The following PCDH10 variants were observed in gnomAD, a reference collection of about 807,000 sequenced individuals.
PCDH10 encodes the protein protocadherin-10.
A neutral mutation model predicts 74.4 loss-of-function variants in PCDH10; 15 were observed. That is an observed-to-expected ratio of 0.20 (90% CI 0.13 to 0.31). PCDH10 has a LOEUF of 0.31. Among genes scored for constraint, PCDH10 ranks in the 10% least tolerant of loss-of-function variants. The probability of loss-of-function intolerance (pLI) is 1.00; values close to 1 mark genes in which losing one functional copy is unlikely to be tolerated. For synonymous variants in PCDH10, 619 were observed against 589.8 expected, an observed-to-expected ratio of 1.05 and a Z score of -0.72; for missense variants, 1,260 against 1,390.2, an observed-to-expected ratio of 0.91 and a Z score of 1.49.
intron 2 of PCDH10, among the ~76,000 whole-genome samples, chr4:133,200,373 T>C (rs939863395): frequency 6.6e-6 from 1 of 151,586 alleles, no homozygotes; most frequent in African/African-American, 2.4e-5. Context: ...TTTTTTTTCT[T>C]TTTTTTTGTA....
chr4:133,161,171 C>T (rs924220823), intron 3 of PCDH10, among the ~76,000 whole-genome samples: 2 of 152,118 alleles, frequency 1.3e-5, no homozygotes, highest in African/African-American at 4.8e-5. Context: ...TTCCGTTCCT[C>T]AACAGTTCAC....
downstream of PCDH10, among the ~76,000 whole-genome samples, chr4:133,198,391 A>T (rs184876612): frequency 4.9e-4 from 75 of 152,298 alleles, no homozygotes; most frequent in Non-Finnish European, 1.3e-4. Flanking sequence ...AAAACAAATG[A>T]TAAGTAATTC....
chr4:133,169,658 A>G (rs1171193071), intron 4 of PCDH10, among the ~76,000 whole-genome samples: 1 of 151,940 alleles, frequency 6.6e-6, no homozygotes, highest in Non-Finnish European at 1.5e-5. Context: ...ATGAAAAGAA[A>G]TATCTACTTG....
intron 2 of PCDH10, among the ~76,000 whole-genome samples, chr4:133,206,859 GAGTT>G (rs1300266066): frequency 6.6e-6 from 1 of 152,108 alleles, no homozygotes; most frequent in Non-Finnish European, 1.5e-5. Flanking sequence ...ACATTATTGA[GAGTT>G]TGAATGTGGG....
At position 133,150,223 on chromosome 4, in the gene PCDH10, A is replaced by C; in HGVS notation, c.83A>C (p.Gln28Pro). 1 of 1,613,786 alleles carries C rather than the reference A, an allele frequency of 6.2e-7. No individual in the cohort carries two copies. The highest frequency in any genetic ancestry group is 2.2e-5 in the East Asian group (1 of 44,850). The change falls in exon 1 of 5, where the codon CAG becomes CCG. Residue 28 changes from glutamine to proline, a missense_variant. Physicochemically the swap from Gln to Pro is moderately conservative, Grantham distance 76. This residue lies in a region of PCDH10 where 103 missense variants were observed against 91.5 expected (regional missense o/e 1.13). Transcript: ENST00000264360. The stretch of plus-strand genomic sequence containing the variant: ...CTTCACTACACGGTACAGGAGGAGC[A>C]GGAACATGGCACTTTCGTGGGGAAT... Reference protein sequence around the residue: ...SQLHYTVQEEQEHGTFVGNIA... With the variant: ...SQLHYTVQEEPEHGTFVGNIA...
intron 4 of PCDH10, among the ~76,000 whole-genome samples, chr4:133,180,734 C>T (rs1483619634): frequency 1.3e-5 from 2 of 151,830 alleles, no homozygotes; most frequent in African/African-American, 2.4e-5. Context: ...AACATTTTTA[C>T]TTTGCTATGT....
chr4:133,196,892 A>G (rs1315249702), downstream of PCDH10, among the ~76,000 whole-genome samples: 1 of 152,220 alleles, frequency 6.6e-6, no homozygotes, highest in Non-Finnish European at 1.5e-5. Flanking sequence ...ACATTTAACC[A>G]CTGATCTTGG....
intron 2 of PCDH10, among the ~76,000 whole-genome samples, chr4:133,207,803 T>TA (rs1578585474): frequency 1.3e-5 from 2 of 152,092 alleles, no homozygotes; most frequent in East Asian, 3.9e-4. Flanking sequence ...TTTTGTAATA[T>TA]AAAAAAGTAC....
chr4:133,170,982 T>A (rs1325398983), intron 4 of PCDH10, among the ~76,000 whole-genome samples: 1 of 148,864 alleles, frequency 6.7e-6, no homozygotes, highest in Non-Finnish European at 1.5e-5. Context: ...AGGTAGTCTA[T>A]TTTTTTTTTA....
At position 133,191,902 on chromosome 4, in the gene PCDH10, T is replaced by C. The variant is rs947959741; in HGVS notation, c.*1742T>C. The stretch of plus-strand genomic sequence containing the variant: ...CTTAACATTTGACAAATGTTCTTCA[T>C]CAAATTTTATGTAACTTAAGTGGAA... On this transcript the variant is annotated 3_prime_UTR_variant, in exon 5 of 5. Coordinates refer to ENST00000264360, the MANE Select transcript of PCDH10 (RefSeq NM_032961.3). 1.6e-4 allele frequency: 24 copies of C among 151,464 alleles called. No homozygotes were observed. Among genetic ancestry groups the C allele is most frequent in the African/African-American group, 5.8e-4 (24 of 41,406 alleles). 9.4% of individuals were successfully genotyped at this position (151,464 alleles called of 1,614,324 possible).
intron 4 of PCDH10, among the ~76,000 whole-genome samples, chr4:133,184,785 A>AC (rs1578574698): frequency 3.7e-5 from 3 of 80,108 alleles, no homozygotes; most frequent in African/African-American, 1.6e-4. Context: ...TATATATATA[A>AC]ATATATATAT....
intron 4 of PCDH10, among the ~76,000 whole-genome samples, chr4:133,178,637 A>G (rs1464374910): frequency 6.6e-6 from 1 of 150,672 alleles, no homozygotes; most frequent in Non-Finnish European, 1.5e-5. Context: ...TTATTTTTGC[A>G]TAGGAAACAA....
rs571561006 is a variant in PCDH10, at chr4:133,163,088, G to A, written c.2909G>A (p.Arg970His). 1.5e-5 allele frequency: 25 copies of A among 1,614,110 alleles called. No homozygotes were observed. Among genetic ancestry groups the A allele is most frequent in the East Asian group, 6.7e-5 (3 of 44,870 alleles). Residue 970 changes from arginine (R) to histidine (H), a missense_variant, in exon 4 of 5, where the codon CGC becomes CAC. By Grantham distance (29) the Arg-to-His change is conservative. Around this residue, in one of 11 missense-constraint regions of PCDH10, gnomAD observed 136 missense variants for 149.3 expected, o/e 0.91. Transcript: ENST00000264360. The part of the protein sequence containing the change: ...PSDGRQAADY[R>H]SNLHVPGMDS... ...GATGGACGCCAGGCTGCTGATTATCGCAGCAATCTGCATGTTCCTGGCATG... is the reference window on the plus strand; with the variant it reads ...GATGGACGCCAGGCTGCTGATTATCACAGCAATCTGCATGTTCCTGGCATG...
intron 2 of PCDH10, among the ~76,000 whole-genome samples, chr4:133,205,379 G>A (rs1393995618): frequency 6.6e-6 from 1 of 152,158 alleles, no homozygotes; most frequent in Non-Finnish European, 1.5e-5. Context: ...TCTAAGGGAA[G>A]TGGACCATTT....
rs889617301 is a variant in PCDH10 at position 133,150,075 on chromosome 4, G to A, written c.-66G>A. 190 of 1,431,032 alleles carry A rather than the reference G, an allele frequency of 1.3e-4. 1 individual carries two copies. The highest frequency in any genetic ancestry group is 1.2e-4 in the Non-Finnish European group (126 of 1,088,526). The allele number at this position is 1,431,032 out of a possible 1,614,324, so 88.6% of individuals were successfully genotyped here. On this transcript the variant is annotated 5_prime_UTR_variant, in exon 1 of 5. In the 5' UTR this introduces an upstream ATG that the reference lacks. Coordinates refer to ENST00000264360, the MANE Select transcript of PCDH10 (RefSeq NM_032961.3). ...ATTTTTTCAGATTTTTTTTTGTTTC[G>A]TGGTGGTGGGGGAGGTGATTGGGTG...
At chr4:133,200,103 T>C (rs1472561540) in intron 2 of PCDH10, among the ~76,000 whole-genome samples, 1 of 151,940 alleles carries the variant, frequency 6.6e-6, no homozygotes, top group Non-Finnish European at 1.5e-5. Context: ...CGGCCTTTTA[T>C]TTTTATTCTA....
Position 133,151,892 on chromosome 4 carries a change from T to A in PCDH10, c.1752T>A (p.Thr584=), listed in dbSNP as rs1698235123. The A allele has an allele frequency of 6.2e-7, 1 of 1,612,772 alleles. No individual in the cohort carries two copies. Among genetic ancestry groups the A allele is most frequent in the South Asian group, 1.1e-5 (1 of 91,082 alleles). The change falls in exon 1 of 5, where the codon ACT becomes ACA. Residue 584 remains threonine, a synonymous_variant. Transcript: ENST00000264360. ...CGCCTCTACCAGGGCGCAACGGGAC[T>A]CCAGCGCGTGAGGTGCTGCCCCGCT... ...IVAPLPGRNG[T]PAREVLPRSA...
chr4:133,163,814 C>A, intron 4 of PCDH10: 1 of 383,034 alleles, frequency 2.6e-6, no homozygotes, highest in Non-Finnish European at 5.0e-6. Context: ...AAAGATGAGA[C>A]AGATTGTAGA....
chr4:133,203,894 G>A (rs977887463), intron 2 of PCDH10, among the ~76,000 whole-genome samples: 6 of 152,244 alleles, frequency 3.9e-5, no homozygotes, highest in Non-Finnish European at 8.8e-5. Context: ...AGGTCATTTT[G>A]ACTGTGAGGC....
Sources: gnomAD v4.1 joint callset for allele counts (sites outside exome capture counted in the v4.1 genomes callset) on GRCh38, gnomAD v4.1.1 for gene constraint, gnomAD v4.1.1 regional missense constraint, MANE v1.5 for transcripts, NCBI Gene and HGNC (gene_info 2026-07-23, HGNC 2026-07-21) for gene names.